KCNQ5: variants seen among roughly 807,000 people sequenced by gnomAD.
KCNQ5 encodes potassium voltage-gated channel subfamily Q member 5.
KCNQ5 carries 30 observed loss-of-function variants against 98.2 expected under a neutral mutation model. The observed-to-expected ratio is 0.31, with a 90% CI of 0.23 to 0.41. The LOEUF (loss-of-function observed/expected upper bound fraction) is 0.41, where lower values mean the gene tolerates loss of function less well. Among genes scored for constraint, KCNQ5 ranks in the 10% least tolerant of loss-of-function variants. The pLI is 1.00. For synonymous variants in KCNQ5, 458 were observed against 449.4 expected (o/e 1.02, Z -0.24); for missense variants, 835 against 1,182.5 (o/e 0.71, Z 4.31).
At chr6:72,864,202 A>C (rs1777881442) in intron 1 of KCNQ5, among the ~76,000 whole-genome samples, 2 of 152,190 alleles carry the variant, frequency 1.3e-5, no homozygotes, top group Non-Finnish European at 2.9e-5. Context: ...GAAATGCAGC[A>C]TGCATGCCAG....
chr6:73,053,964 GA>G (rs1331861036), intron 3 of KCNQ5, among the ~76,000 whole-genome samples: 4 of 151,630 alleles, frequency 2.6e-5, no homozygotes, highest in Non-Finnish European at 1.5e-5. Flanking sequence ...GACTAATAAG[GA>G]AAAAAAGAGA....
intron 3 of KCNQ5, 128 bp from the exon 4 acceptor site, chr6:73,077,194 C>T (rs986234374): frequency 3.4e-6 from 3 of 876,374 alleles, no homozygotes; most frequent in Non-Finnish European, 5.3e-6. Context: ...GCACTAGGTG[C>T]AGCTGGGAAT....
chr6:72,794,543 C>G (rs1774227711), intron 1 of KCNQ5, among the ~76,000 whole-genome samples: 2 of 152,130 alleles, frequency 1.3e-5, no homozygotes, highest in South Asian at 4.1e-4. Flanking sequence ...TTCCGATACA[C>G]AGATATCATG....
At chr6:72,958,638 T>C (rs1237667527) in intron 1 of KCNQ5, among the ~76,000 whole-genome samples, 1 of 152,226 alleles carries the variant, frequency 6.6e-6, no homozygotes, top group East Asian at 1.9e-4. Context: ...GAAAACCATA[T>C]GAGGCCTAAC....
chr6:73,131,979 A>G (rs1011151518), intron 9 of KCNQ5, among the ~76,000 whole-genome samples: 25 of 152,210 alleles, frequency 1.6e-4, no homozygotes, highest in African/African-American at 6.0e-4. Context: ...CTCCCTGACC[A>G]CCAGTTCATG....
At chr6:72,665,202 G>A (rs1231694619) in intron 1 of KCNQ5, among the ~76,000 whole-genome samples, 2 of 151,886 alleles carry the variant, frequency 1.3e-5, no homozygotes, top group African/African-American at 2.4e-5. Flanking sequence ...ACAAAAATTA[G>A]CCAGGCATGG....
chr6:73,048,653 A>G (rs1772078964), intron 3 of KCNQ5, among the ~76,000 whole-genome samples: 1 of 152,246 alleles, frequency 6.6e-6, no homozygotes, highest in Non-Finnish European at 1.5e-5. Context: ...TCATATCAGC[A>G]ATATACAAAT....
intron 3 of KCNQ5, among the ~76,000 whole-genome samples, chr6:73,047,833 G>C (rs1460302482): frequency 6.6e-6 from 1 of 152,160 alleles, no homozygotes; most frequent in African/African-American, 2.4e-5. Flanking sequence ...AAACTTAAAG[G>C]AGGTATACTA....
chr6:72,801,925 T>G (rs970119955), intron 1 of KCNQ5, among the ~76,000 whole-genome samples: 3 of 152,122 alleles, frequency 2.0e-5, no homozygotes, highest in Non-Finnish European at 2.9e-5. Context: ...GGTTGGAAAT[T>G]CTTTTCTTTA....
rs139371790 is a variant in KCNQ5 at position 72,949,567 on chromosome 6, TTAAC to T, written c.399-54338_399-54335del. ...ATATTATAAACTGTAGAGAAAATTT[TTAAC>T]TACGTGAGTATAGCTTTAAACATTT... is the stretch of plus-strand genomic sequence containing the variant. On this transcript the variant is annotated intron_variant, in intron 1 of 13. Transcript: ENST00000370398. Among the ~76,000 whole-genome samples the T allele has an allele frequency of 3.2e-4, 49 of 152,330 alleles. 1 individual carries two copies. In the East Asian group the frequency reaches 9.1e-3, roughly 28 times the overall value.
Position 72,967,859 on chromosome 6 carries a change from C to T in KCNQ5, c.399-36049C>T, listed in dbSNP as rs115687617. 909 of 153,900 alleles carry T rather than the reference C, an allele frequency of 5.9e-3. 8 individuals carry two copies. The highest frequency in any genetic ancestry group is 0.02 in the African/African-American group (852 of 41,620). 9.5% of individuals were successfully genotyped at this position (153,900 alleles called of 1,614,324 possible). A position where few individuals can be genotyped will look rare whatever the true frequency, so the allele number is the denominator to read the frequency against. On this transcript the variant is annotated intron_variant, in intron 1 of 13. Coordinates refer to ENST00000370398, the MANE Select transcript of KCNQ5 (RefSeq NM_019842.4). ...AGATCCCTATACCTTGGCCTCCCAA[C>T]GTGTGGAGGTTACAGGCATAAGCCA...
rs115022960 is a variant in KCNQ5 at position 72,655,372 on chromosome 6, G to A, written c.398+32785G>A. Among the ~76,000 whole-genome samples the A allele has an allele frequency of 4.0e-3, 613 of 152,040 alleles. 4 individuals carry two copies. The highest frequency in any genetic ancestry group is 0.014 in the African/African-American group (591 of 41,518). On this transcript the variant is annotated intron_variant, in intron 1 of 13. Coordinates refer to ENST00000370398, the MANE Select transcript of KCNQ5 (RefSeq NM_019842.4). Reference sequence around the variant, plus strand: ...AAGCTCACAGTCTTCAAATTAAGGAGACAGTTATATAAATGATATAAAGGA... The same window carrying A: ...AAGCTCACAGTCTTCAAATTAAGGAAACAGTTATATAAATGATATAAAGGA...
intron 1 of KCNQ5, among the ~76,000 whole-genome samples, chr6:72,649,306 C>T (rs552495989): frequency 1.3e-5 from 2 of 152,210 alleles, no homozygotes; most frequent in South Asian, 2.1e-4. Context: ...CAGACATGCA[C>T]GTGTATGTGC....
intron 1 of KCNQ5, among the ~76,000 whole-genome samples, chr6:72,776,741 A>G (rs1253273914): frequency 1.3e-5 from 2 of 152,196 alleles, no homozygotes; most frequent in Non-Finnish European, 2.9e-5. Context: ...TGTTTCAAGC[A>G]CTGTGATAGG....
At chr6:73,170,415 T>G (rs1777961678) in intron 11 of KCNQ5, among the ~76,000 whole-genome samples, 1 of 130,404 alleles carries the variant, frequency 7.7e-6, no homozygotes, top group Non-Finnish European at 1.6e-5. Flanking sequence ...CCATGACCTT[T>G]CCCACCACAC....
At chr6:73,189,997 A>G (rs76923884) in intron 11 of KCNQ5, among the ~76,000 whole-genome samples, 1 of 126,674 alleles carries the variant, frequency 7.9e-6, no homozygotes, top group African/African-American at 3.3e-5. Flanking sequence ...CCTCATCTCA[A>G]AAAAAAAAAA....
intron 1 of KCNQ5, among the ~76,000 whole-genome samples, chr6:72,802,422 G>A (rs1774708889): frequency 6.6e-6 from 1 of 151,930 alleles, no homozygotes; most frequent in Admixed American, 6.6e-5. Flanking sequence ...GCAAAACAAT[G>A]GGAGCAATTT....
chr6:72,829,074 G>T (rs2150121666), intron 1 of KCNQ5, among the ~76,000 whole-genome samples: 1 of 152,128 alleles, frequency 6.6e-6, no homozygotes, highest in Non-Finnish European at 1.5e-5. Flanking sequence ...TGATAAACCA[G>T]TTTGACTGTG....
chr6:72,646,268 T>C (rs1565054046), intron 1 of KCNQ5, among the ~76,000 whole-genome samples: 2 of 152,028 alleles, frequency 1.3e-5, no homozygotes, highest in Admixed American at 1.3e-4. Flanking sequence ...TATACATATA[T>C]AATGAAACTG....
Sources: gnomAD v4.1 joint callset for allele counts (sites outside exome capture counted in the v4.1 genomes callset) on GRCh38, gnomAD v4.1.1 for gene constraint, MANE v1.5 for transcripts, NCBI Gene and HGNC (gene_info 2026-07-23, HGNC 2026-07-21) for gene names.